ZSWIM5: variants seen among roughly 807,000 people sequenced by gnomAD.
The protein encoded by ZSWIM5 is zinc finger SWIM domain-containing protein 5.
ZSWIM5 carries 55 observed loss-of-function variants against 119.6 expected under a neutral mutation model. The observed-to-expected ratio is 0.46, with a 90% confidence interval of 0.37 to 0.58. The LOEUF is 0.58. ZSWIM5 is among the 20% of genes least tolerant of loss of function. The pLI is 0.00. For synonymous variants in ZSWIM5, 537 were observed against 606.9 expected, an observed-to-expected ratio of 0.88 and a Z score of 1.69; for missense variants, 1,193 against 1,512.8, an observed-to-expected ratio of 0.79 and a Z score of 3.51.
chr1:45,028,777 T>A (rs12081969), intron 11 of ZSWIM5, among the ~76,000 whole-genome samples: 4,968 of 151,278 alleles, frequency 0.033, 264 homozygotes, highest in African/African-American at 0.11. Context: ...TAAAAAAAAA[T>A]AAATAAAAAT....
At chr1:45,037,722 C>T (rs908872716) in intron 8 of ZSWIM5, among the ~76,000 whole-genome samples, 2 of 152,200 alleles carry the variant, frequency 1.3e-5, no homozygotes, top group African/African-American at 4.8e-5. Context: ...CTGCACTTGG[C>T]TTGGGGCCAC....
chr1:45,079,874 C>T (rs531252954), intron 2 of ZSWIM5, among the ~76,000 whole-genome samples: 2 of 152,246 alleles, frequency 1.3e-5, no homozygotes, highest in East Asian at 1.9e-4. Flanking sequence ...CCTTCAAAGG[C>T]AGCAGGTTCC....
At chr1:45,139,866 C>T (rs1387098232) in intron 1 of ZSWIM5, among the ~76,000 whole-genome samples, 1 of 151,600 alleles carries the variant, frequency 6.6e-6, no homozygotes, top group Non-Finnish European at 1.5e-5. Context: ...TGAAGTCCTT[C>T]AGGCAGAAGG....
chr1:45,051,044 A>G, intron 5 of ZSWIM5, 30 bp downstream of exon 5: 1 of 1,597,760 alleles, frequency 6.3e-7, no homozygotes, highest in Non-Finnish European at 8.5e-7. Context: ...AGTTCCAGGT[A>G]CAAAGAGCCT....
Position 45,070,275 on chromosome 1 carries a change from A to G in ZSWIM5, c.953-10028T>C, listed in dbSNP as rs2149004401. ...ACCAACACTTGGAGGTTCAACAATA[A>G]CATCATAAATTATTCCTCTGGTGAT... On this transcript the variant is annotated intron_variant, in intron 2 of 13. Transcript: ENST00000359600. The G allele has an allele frequency of 1.4e-5, 20 of 1,463,074 alleles. No individual in the cohort carries two copies. The South Asian group carries it at 2.2e-4, about 16-fold the overall frequency. 90.6% of individuals were successfully genotyped at this position (1,463,074 alleles called of 1,614,324 possible).
chr1:45,068,792 C>CTTTTTT (rs758235271), intron 2 of ZSWIM5, among the ~76,000 whole-genome samples: 6 of 46,756 alleles, frequency 1.3e-4, no homozygotes, highest in Non-Finnish European at 2.2e-4. Context: ...TGTTGTATGT[C>CTTTTTT]TTTTTTTTTT....
At chr1:45,179,943 T>C (rs1646005001) in intron 1 of ZSWIM5, among the ~76,000 whole-genome samples, 1 of 108,612 alleles carries the variant, frequency 9.2e-6, no homozygotes, top group African/African-American at 3.6e-5. Flanking sequence ...TGATATGGTA[T>C]AGGGAGGAGC....
chr1:45,061,372 C>CT (rs34346997), intron 2 of ZSWIM5, among the ~76,000 whole-genome samples: 9,794 of 143,296 alleles, frequency 0.068, 410 homozygotes, highest in Non-Finnish European at 0.1. Context: ...TCTATGCATA[C>CT]TTTTTTTTTT....
intron 5 of ZSWIM5, among the ~76,000 whole-genome samples, chr1:45,047,407 G>A (rs1570022526): frequency 2.0e-5 from 3 of 152,126 alleles, no homozygotes; most frequent in East Asian, 3.8e-4. Context: ...AAATGGAGAT[G>A]GCAAATCTGT....
rs1249733288 is a variant in ZSWIM5, at chr1:45,018,434, G to A, written c.*20C>T. The A allele has an allele frequency of 1.9e-6, 3 of 1,606,074 alleles. No homozygotes were observed. Among genetic ancestry groups the A allele is most frequent in the Non-Finnish European group, 2.6e-6 (3 of 1,175,480 alleles). On this transcript the variant is annotated 3_prime_UTR_variant, in exon 14 of 14. Transcript: ENST00000359600. This position sits in a 1 kb window ranked among gnomAD's most constrained non-coding sequence, Gnocchi z 6.7. ...CTACCTGGGAACCCAGGCTGCTCTGGCAGTGAGCTATCTGCTCTCTCAGCC... is the reference window on the plus strand; with the variant it reads ...CTACCTGGGAACCCAGGCTGCTCTGACAGTGAGCTATCTGCTCTCTCAGCC...
intron 4 of ZSWIM5, among the ~76,000 whole-genome samples, chr1:45,053,037 C>T (rs956999987): frequency 2.7e-5 from 4 of 149,292 alleles, no homozygotes; most frequent in Admixed American, 1.3e-4. Context: ...GTAGGAGAAT[C>T]GGTTGAATCT....
At chr1:45,141,410 G>C (rs1403541016) in intron 1 of ZSWIM5, among the ~76,000 whole-genome samples, 1 of 152,136 alleles carries the variant, frequency 6.6e-6, no homozygotes, top group African/African-American at 2.4e-5. Context: ...ACTCAGGAGA[G>C]CAAGCCCATA....
intron 1 of ZSWIM5, among the ~76,000 whole-genome samples, chr1:45,111,568 T>C (rs897840070): frequency 6.6e-6 from 1 of 152,266 alleles, no homozygotes; most frequent in African/African-American, 2.4e-5. Flanking sequence ...AATCAAAGTG[T>C]TGGCAGGGCT....
chr1:45,104,608 T>C (rs1557766862), intron 1 of ZSWIM5, among the ~76,000 whole-genome samples: 1 of 152,194 alleles, frequency 6.6e-6, no homozygotes, highest in African/African-American at 2.4e-5. Context: ...GATTGCAAAG[T>C]GAGGAGCAGT....
intron 1 of ZSWIM5, among the ~76,000 whole-genome samples, chr1:45,157,542 A>G (rs1039586461): frequency 2.0e-5 from 3 of 152,210 alleles, no homozygotes; most frequent in African/African-American, 7.2e-5. Context: ...ATTGCTGAAT[A>G]GTAGTCCATT....
At position 45,035,779 on chromosome 1, in the gene ZSWIM5, C is replaced by T. The variant is rs1253110095; in HGVS notation, c.2200G>A (p.Val734Ile). The T allele has an allele frequency of 1.2e-6, 2 of 1,613,824 alleles. No homozygotes were observed. Among genetic ancestry groups the T allele is most frequent in the Non-Finnish European group, 1.7e-6 (2 of 1,180,004 alleles). ...TACTTGGCAAAGGTATGCATGGGAACACTCTCTCGGTGGATGACTTCTCCC... is the reference window on the plus strand; with the variant it reads ...TACTTGGCAAAGGTATGCATGGGAATACTCTCTCGGTGGATGACTTCTCCC... Reference protein sequence around the residue: ...GLGEVIHRESVPMHTFAKYLF... With the variant: ...GLGEVIHRESIPMHTFAKYLF... Residue 734 changes from valine (V) to isoleucine (I), a missense_variant, in exon 10 of 14, where the codon GTT becomes ATT. By Grantham distance (29) the Val-to-Ile change is conservative (BLOSUM62 3). Coordinates refer to ENST00000359600, the MANE Select transcript of ZSWIM5 (RefSeq NM_020883.2).
At chr1:45,044,793 A>ATATATATG (rs1645041724) in intron 5 of ZSWIM5, among the ~76,000 whole-genome samples, 1 of 1,848 alleles carries the variant, frequency 5.4e-4, no homozygotes, top group Non-Finnish European at 1.2e-3. Context: ...ATATATAAAT[A>ATATATATG]TATATATATA....
chr1:45,166,115 C>T (rs1446306848), intron 1 of ZSWIM5, among the ~76,000 whole-genome samples: 11 of 152,218 alleles, frequency 7.2e-5, no homozygotes, highest in East Asian at 5.8e-4. Flanking sequence ...AAAGCTTATC[C>T]GCCATGATCA....
intron 1 of ZSWIM5, among the ~76,000 whole-genome samples, chr1:45,191,037 C>T (rs908980875): frequency 1.3e-5 from 2 of 149,642 alleles, no homozygotes; most frequent in Non-Finnish European, 3.0e-5. Flanking sequence ...AGCTGCGCCT[C>T]CCAGGTTCAC....
Sources: allele counts gnomAD v4.1 joint callset (sites outside exome capture counted in the v4.1 genomes callset), GRCh38; gene constraint gnomAD v4.1.1; non-coding constraint Gnocchi (gnomAD v3.1); transcripts MANE v1.5; gene names NCBI Gene and HGNC (gene_info 2026-07-23, HGNC 2026-07-21).